PITPNM2: variants seen among roughly 807,000 people sequenced by gnomAD.
PITPNM2 encodes membrane-associated phosphatidylinositol transfer protein 2.
A neutral mutation model predicts 132.2 loss-of-function variants in PITPNM2; 35 were observed. The ratio of observed to expected loss-of-function variants is 0.26; its 90% CI spans 0.20 to 0.35. The LOEUF is 0.35. Ranked by LOEUF, PITPNM2 falls within the 10% of genes least tolerant of loss-of-function variation. The pLI is 1.00. For synonymous variants in PITPNM2, 738 were observed against 799.2 expected (o/e 0.92, Z 1.29); for missense variants, 1,332 against 1,912.0 (o/e 0.70, Z 5.66).
intron 16 of PITPNM2, chr12:122,991,980 A>G: frequency 1.6e-6 from 2 of 1,230,724 alleles, no homozygotes; most frequent in Non-Finnish European, 2.1e-6. Context: ...ACAGAGACTC[A>G]GGGCTCCTCG....
intron 2 of PITPNM2, among the ~76,000 whole-genome samples, chr12:123,040,260 T>A (rs2040417288): frequency 6.6e-6 from 1 of 152,226 alleles, no homozygotes; most frequent in Non-Finnish European, 1.5e-5. Flanking sequence ...TGTTTAATAG[T>A]TACAGAGTTT....
chr12:123,117,783 A>T lies in PITPNM2; in HGVS notation c.-199-7295T>A, dbSNP rs2042959013. ...ATATCTCACTATGACAGACTCTGGC[A>T]TGGTCCAATTTCCTCTCCCTAAATC... On this transcript the variant is annotated intron_variant, in intron 1 of 25. Coordinates refer to ENST00000320201, the MANE Select transcript of PITPNM2 (RefSeq NM_020845.3). This position sits in a 1 kb window ranked among gnomAD's most constrained non-coding sequence, Gnocchi z 4.7. Among the ~76,000 whole-genome samples, 1 of 152,218 alleles carries T rather than the reference A, an allele frequency of 6.6e-6. No homozygotes were observed. The highest frequency in any genetic ancestry group is 1.5e-5 in the Non-Finnish European group (1 of 68,042).
chr12:123,050,691 T>C (rs753224004), intron 2 of PITPNM2, among the ~76,000 whole-genome samples: 2 of 152,216 alleles, frequency 1.3e-5, no homozygotes, highest in African/African-American at 4.8e-5. Context: ...TCCACAGCAT[T>C]GTGAGCGGTG....
At chr12:123,110,005 T>C (rs976785256) in intron 2 of PITPNM2, among the ~76,000 whole-genome samples, 1 of 152,220 alleles carries the variant, frequency 6.6e-6, no homozygotes, top group Non-Finnish European at 1.5e-5. Flanking sequence ...TTACTCAGGC[T>C]GGAGTGAAGT....
rs774723709 is a variant in PITPNM2, at chr12:122,996,484, G to A, written c.1756C>T (p.Arg586Cys). Residue 586 changes from arginine (R) to cysteine (C), a missense_variant, in exon 13 of 26, where the codon CGC becomes TGC. Arg to Cys is a radical substitution (Grantham distance 180, BLOSUM62 -3). Coordinates refer to ENST00000320201, the MANE Select transcript of PITPNM2 (RefSeq NM_020845.3). ...QPVSESQSSS[R>C]RGSVVSMQDN... Reference sequence around the variant, plus strand: ...TGCATGCTGACCACGCTGCCCCGGCGGCTGCTGCTCTGACTCTCAGACACC... The same window carrying A: ...TGCATGCTGACCACGCTGCCCCGGCAGCTGCTGCTCTGACTCTCAGACACC... The A allele has an allele frequency of 6.2e-6, 10 of 1,612,952 alleles. No homozygotes were observed. The highest frequency in any genetic ancestry group is 2.7e-5 in the African/African-American group (2 of 74,900).
At chr12:123,085,224 C>G (rs2042079111) in intron 2 of PITPNM2, among the ~76,000 whole-genome samples, 1 of 152,216 alleles carries the variant, frequency 6.6e-6, no homozygotes. Flanking sequence ...TAGGTGTGAG[C>G]TAGCGCCATC....
In PITPNM2 at chr12:123,083,635, G is replaced by C. The variant is rs1406370612; in HGVS notation, c.-96+26750C>G. The C allele has an allele frequency of 6.6e-6, 1 of 152,342 alleles. No homozygotes were observed. Among genetic ancestry groups the C allele is most frequent in the African/African-American group, 2.4e-5 (1 of 41,456 alleles). 9.4% of individuals were successfully genotyped at this position (152,342 alleles called of 1,614,324 possible). ...TGACATGGGTAGATGAGAGTCCCCAGCCATGGAGGTGACAATGTGCCCTGG... is the reference window on the plus strand; with the variant it reads ...TGACATGGGTAGATGAGAGTCCCCACCCATGGAGGTGACAATGTGCCCTGG... On this transcript the variant is annotated intron_variant, in intron 2 of 25. Transcript: ENST00000320201. This position sits in a 1 kb window ranked among gnomAD's most constrained non-coding sequence, Gnocchi z 4.5.
At chr12:122,986,959 A>G in intron 23 of PITPNM2, 130 bp from the exon 24 acceptor site, 5 of 1,208,718 alleles carry the variant, frequency 4.1e-6, no homozygotes, top group Non-Finnish European at 5.6e-6. Context: ...TAACGACGAC[A>G]ATGGTTGACA....
At chr12:123,119,981 A>T (rs1432930414) in intron 1 of PITPNM2, among the ~76,000 whole-genome samples, 1 of 152,134 alleles carries the variant, frequency 6.6e-6, no homozygotes, top group Non-Finnish European at 1.5e-5. Flanking sequence ...CCCTGTGAGT[A>T]TGGTGAAGTC....
In PITPNM2 at chr12:123,099,421, T is replaced by C. The variant is rs911976516; in HGVS notation, c.-96+10964A>G. ...GGCTTGACTGGCGGGACAAGTGGGA[T>C]ACTCCTCTACAGAGAGGGAGGAGGC... On this transcript the variant is annotated intron_variant, in intron 2 of 25. Transcript: ENST00000320201. The surrounding 1 kb of genome is among the most constrained non-coding windows in gnomAD (Gnocchi z 4.2). Among the ~76,000 whole-genome samples the C allele has an allele frequency of 2.6e-5, 4 of 152,064 alleles. No homozygotes were observed. Among genetic ancestry groups the C allele is most frequent in the Non-Finnish European group, 5.9e-5 (4 of 67,992 alleles).
At chr12:123,051,316 G>A (rs1445700392) in intron 2 of PITPNM2, among the ~76,000 whole-genome samples, 1 of 152,174 alleles carries the variant, frequency 6.6e-6, no homozygotes, top group Non-Finnish European at 1.5e-5. Context: ...CCTTTTAAGG[G>A]CTGAATCCCA....
intron 1 of PITPNM2, among the ~76,000 whole-genome samples, chr12:123,127,436 G>A (rs1035144181): frequency 1.3e-4 from 20 of 152,272 alleles, no homozygotes; most frequent in South Asian, 2.1e-4. Flanking sequence ...TTCCACTGAC[G>A]CATAGAAAAA....
chr12:122,996,669 G>A (rs559214482), intron 12 of PITPNM2, 52 bp downstream of exon 12: 48 of 1,610,924 alleles, frequency 3.0e-5, no homozygotes, highest in East Asian at 1.3e-4. Flanking sequence ...AGGCCAGCCC[G>A]CCCTACAGGG....
intron 10 of PITPNM2, among the ~76,000 whole-genome samples, chr12:122,999,493 C>T (rs151180464): frequency 7.2e-5 from 11 of 152,270 alleles, no homozygotes; most frequent in African/African-American, 1.4e-4. Context: ...GCAGCCTTCA[C>T]GACAGGGAGG....
At chr12:123,068,243 G>C (rs576106224) in intron 2 of PITPNM2, among the ~76,000 whole-genome samples, 2 of 152,012 alleles carry the variant, frequency 1.3e-5, no homozygotes, top group African/African-American at 4.8e-5. Flanking sequence ...CAAGGTGGGC[G>C]GATCACAAAG....
chr12:123,060,717 G>A (rs568135280), intron 2 of PITPNM2, among the ~76,000 whole-genome samples: 4 of 152,338 alleles, frequency 2.6e-5, no homozygotes, highest in African/African-American at 9.6e-5. Context: ...AAGGCAGGGT[G>A]GAAGGTGGAG....
At chr12:123,061,826 C>T (rs1359086448) in intron 2 of PITPNM2, among the ~76,000 whole-genome samples, 2 of 152,188 alleles carry the variant, frequency 1.3e-5, no homozygotes, top group East Asian at 3.8e-4. Flanking sequence ...AAAGTTATGC[C>T]ATCTCCCTAT....
chr12:123,002,983 C>A (rs899482808), intron 8 of PITPNM2, among the ~76,000 whole-genome samples: 1 of 152,200 alleles, frequency 6.6e-6, no homozygotes, highest in African/African-American at 2.4e-5. Context: ...CAGCAATCCA[C>A]CTGCCTCAGC....
In PITPNM2 at chr12:123,004,880, G is replaced by A. The variant is rs1363687521; in HGVS notation, c.952+360C>T. Among the ~76,000 whole-genome samples the A allele has an allele frequency of 4.6e-5, 7 of 152,320 alleles. No individual in the cohort carries two copies. The highest frequency in any genetic ancestry group is 1.0e-4 in the Non-Finnish European group (7 of 68,010). On this transcript the variant is annotated intron_variant, in intron 7 of 25. Transcript: ENST00000320201. This position sits in a 1 kb window ranked among gnomAD's most constrained non-coding sequence, Gnocchi z 4.9. ...GAGTGAGCCAGGCCTGCCTGCTGGA[G>A]AAGCTGGCTCCACCCAGGGTGCCTG... is the stretch of plus-strand genomic sequence containing the variant.
Sources: allele counts gnomAD v4.1 joint callset (sites outside exome capture counted in the v4.1 genomes callset), GRCh38; gene constraint gnomAD v4.1.1; non-coding constraint Gnocchi (gnomAD v3.1); transcripts MANE v1.5; gene names NCBI Gene and HGNC (gene_info 2026-07-23, HGNC 2026-07-21).